LPCAT2: variants seen among roughly 807,000 people sequenced by gnomAD.
LPCAT2 encodes the protein lysophosphatidylcholine acyltransferase 2, also known as 1-AGP acyltransferase 11.
Under a neutral mutation model 64.7 loss-of-function variants are expected in LPCAT2, and 58 were observed. The ratio of observed to expected loss-of-function variants is 0.90; its 90% confidence interval spans 0.73 to 1.12. LPCAT2 has a LOEUF of 1.12. Ranked by LOEUF, LPCAT2 falls within the 50% of genes most tolerant of loss-of-function variation. LPCAT2 has a pLI of 0.00. For missense variants in LPCAT2, 579 were observed against 669.8 expected (o/e 0.86, Z 1.50); for synonymous variants, 252 against 245.3 (o/e 1.03, Z -0.26).
chr16:55,525,436 A>G, intron 1 of LPCAT2, 72 bp from the exon 2 acceptor site: 1 of 1,392,974 alleles, frequency 7.2e-7, no homozygotes, highest in Non-Finnish European at 9.9e-7. Context: ...CTTTCCTATT[A>G]CATGTTTCTG....
chr16:55,529,889 G>GTATCAGT lies in LPCAT2; in HGVS notation c.584_585insTATCAGT (p.Lys196IlefsTer8). On this transcript the variant is annotated frameshift_variant, in exon 4 of 14. Coordinates refer to ENST00000262134, the MANE Select transcript of LPCAT2 (RefSeq NM_017839.5). LOFTEE classifies it high-confidence loss of function. ...GTGTCCCGTGTAGATCCGGATTCCC[G>GTATCAGT]AAAAAACACAATAAATGAAATAATA... 6.3e-7 allele frequency: 1 copy of GTATCAGT among 1,583,142 alleles called. No homozygotes were observed. Among genetic ancestry groups the GTATCAGT allele is most frequent in the Admixed American group, 1.8e-5 (1 of 56,620 alleles).
At chr16:55,522,162 G>A (rs1322588121) in intron 1 of LPCAT2, among the ~76,000 whole-genome samples, 1 of 151,628 alleles carries the variant, frequency 6.6e-6, no homozygotes, top group African/African-American at 2.4e-5. Context: ...TAGGATAAAA[G>A]ATCAAAACTT....
chr16:55,557,041 G>C (rs1280431346), intron 11 of LPCAT2: 1 of 152,106 alleles, frequency 6.6e-6, no homozygotes, highest in Non-Finnish European at 1.5e-5. Context: ...TATAATTGTG[G>C]GGCTTTTTTT....
rs151001955 is a variant in LPCAT2, at chr16:55,525,558, G to A, written c.222G>A (p.Ala74=). 1.9e-5 allele frequency: 30 copies of A among 1,610,974 alleles called. No individual in the cohort carries two copies. The highest frequency in any genetic ancestry group is 1.7e-4 in the Middle Eastern group (1 of 6,050). Residue 74 remains alanine, a synonymous_variant, in exon 2 of 14, where the codon GCG becomes GCA. Coordinates refer to ENST00000262134, the MANE Select transcript of LPCAT2 (RefSeq NM_017839.5). ...ILLPIRVLLV[A]LILLLAWPFA... ...TTCCAATTCGTGTCTTATTGGTTGC[G>A]TTAATTTTATTACTTGCATGGCCAT... is the stretch of plus-strand genomic sequence containing the variant.
chr16:55,532,887 G>A lies in LPCAT2; in HGVS notation c.762+5G>A, dbSNP rs750862663. 2.2e-5 allele frequency: 35 copies of A among 1,610,300 alleles called. No individual in the cohort carries two copies. Among genetic ancestry groups the A allele is most frequent in the Non-Finnish European group, 2.7e-5 (32 of 1,177,280 alleles). ...CTCAGATACCCAAACAAGCTGGTAA[G>A]CACAGTATTTTACCACAGGAAGAAT... On this transcript the variant is annotated splice_donor_5th_base_variant and intron_variant, in intron 6 of 13. Transcript: ENST00000262134.
rs186934997 is a variant in LPCAT2, at chr16:55,559,507, G to T, written c.1215+8405G>T. 1.8e-4 allele frequency among the ~76,000 whole-genome samples: 28 copies of T among 152,120 alleles called. No individual in the cohort carries two copies. In the East Asian group the frequency reaches 5.4e-3, roughly 29 times the overall value. ...AGTGCCAATAATAACAAACATCCTT[G>T]CCTGCCCCTTCCTGTTACAGAATGT... is the stretch of plus-strand genomic sequence containing the variant. On this transcript the variant is annotated intron_variant, in intron 11 of 13. Transcript: ENST00000262134.
At chr16:55,548,181 T>A (rs1370396726) in intron 9 of LPCAT2, among the ~76,000 whole-genome samples, 1 of 152,254 alleles carries the variant, frequency 6.6e-6, no homozygotes, top group Non-Finnish European at 1.5e-5. Context: ...ACTGAATATT[T>A]GTGAATAAAA....
chr16:55,560,564 T>C (rs76228707), intron 11 of LPCAT2, among the ~76,000 whole-genome samples: 2,392 of 152,116 alleles, frequency 0.016, 57 homozygotes, highest in African/African-American at 0.051. Context: ...TAAAAAGGTA[T>C]AGGCACCAGA....
At position 55,585,679 on chromosome 16, in the gene LPCAT2, AT is replaced by A. The variant is rs1963937130; in HGVS notation, c.*2585del. 6.6e-6 allele frequency: 1 copy of A among 152,206 alleles called. No homozygotes were observed. Among genetic ancestry groups the A allele is most frequent in the African/African-American group, 2.4e-5 (1 of 41,460 alleles). 9.4% of individuals were successfully genotyped at this position (152,206 alleles called of 1,614,324 possible). A position where few individuals can be genotyped will look rare whatever the true frequency, so the allele number is the denominator to read the frequency against. On this transcript the variant is annotated 3_prime_UTR_variant, in exon 14 of 14. Coordinates refer to ENST00000262134, the MANE Select transcript of LPCAT2 (RefSeq NM_017839.5). ...ACTGCTTACAGACCAAGTTGCTTGC[AT>A]TTTGTATGTTTAGCCCTCCTTTGCC...
intron 2 of LPCAT2, among the ~76,000 whole-genome samples, chr16:55,527,345 T>C (rs1423060684): frequency 6.6e-6 from 1 of 151,608 alleles, no homozygotes; most frequent in East Asian, 1.9e-4. Flanking sequence ...TTAGGCCTGG[T>C]GGTGGGCGCC....
rs1963926513 is a variant in LPCAT2, at chr16:55,584,803, A to C, written c.*1705A>C. Reference sequence around the variant, plus strand: ...TGTGTGTTTGGATAAATATCTGAAAATTTTATCCTTAAGTATATATAATTA... The same window carrying C: ...TGTGTGTTTGGATAAATATCTGAAACTTTTATCCTTAAGTATATATAATTA... On this transcript the variant is annotated 3_prime_UTR_variant, in exon 14 of 14. Coordinates refer to ENST00000262134, the MANE Select transcript of LPCAT2 (RefSeq NM_017839.5). 6.6e-6 allele frequency: 1 copy of C among 152,172 alleles called. No homozygotes were observed. The highest frequency in any genetic ancestry group is 6.5e-5 in the Admixed American group (1 of 15,276). The allele number at this position is 152,172 out of a possible 1,614,324, so 9.4% of individuals were successfully genotyped here.
intron 1 of LPCAT2, among the ~76,000 whole-genome samples, chr16:55,521,830 G>A (rs1029358557): frequency 1.3e-5 from 2 of 151,484 alleles, no homozygotes; most frequent in African/African-American, 4.8e-5. Flanking sequence ...TAGTAAAATA[G>A]GGATAAAGAG....
rs1963928613 is a variant in LPCAT2 at position 55,584,960 on chromosome 16, A to G, written c.*1862A>G. Reference sequence around the variant, plus strand: ...TGAATGTATGTAATACTAAAAAATCATGACTACTTTTATCAAAGAAAAACC... The same window carrying G: ...TGAATGTATGTAATACTAAAAAATCGTGACTACTTTTATCAAAGAAAAACC... On this transcript the variant is annotated 3_prime_UTR_variant, in exon 14 of 14. Transcript: ENST00000262134. The G allele has an allele frequency of 6.6e-6, 1 of 152,238 alleles. No homozygotes were observed. Among genetic ancestry groups the G allele is most frequent in the African/African-American group, 2.4e-5 (1 of 41,480 alleles). The allele number at this position is 152,238 out of a possible 1,614,324, so 9.4% of individuals were successfully genotyped here.
chr16:55,537,200 G>T (rs935080193), intron 7 of LPCAT2, among the ~76,000 whole-genome samples: 1 of 152,080 alleles, frequency 6.6e-6, no homozygotes, highest in Admixed American at 6.6e-5. Flanking sequence ...GTATTCATTT[G>T]ATGATTTAAC....
At chr16:55,516,272 T>G (rs1295722899) in intron 1 of LPCAT2, among the ~76,000 whole-genome samples, 2 of 126,498 alleles carry the variant, frequency 1.6e-5, no homozygotes, top group Non-Finnish European at 3.9e-5. Context: ...ACCCAACAAA[T>G]TTTTGTATTT....
chr16:55,579,056 T>G (rs1326046384), intron 12 of LPCAT2, 53 bp from the exon 13 acceptor site: 22 of 1,555,050 alleles, frequency 1.4e-5, no homozygotes, highest in Non-Finnish European at 1.9e-5. Context: ...CCAAGATTAT[T>G]CCCTACCACT....
At chr16:55,566,402 C>T (rs1460371051) in intron 11 of LPCAT2, among the ~76,000 whole-genome samples, 1 of 152,076 alleles carries the variant, frequency 6.6e-6, no homozygotes, top group Non-Finnish European at 1.5e-5. Flanking sequence ...GGAAAATGCA[C>T]ATCATTTTTT....
chr16:55,524,732 A>G (rs1414267803), intron 1 of LPCAT2, among the ~76,000 whole-genome samples: 2 of 152,056 alleles, frequency 1.3e-5, no homozygotes, highest in Non-Finnish European at 2.9e-5. Flanking sequence ...TATTTTACTC[A>G]AAAGGCAGTA....
rs1962886533 is a variant in LPCAT2, at chr16:55,509,262, C to A, written c.81C>A (p.Pro27=). 1 of 1,506,180 alleles carries A rather than the reference C, an allele frequency of 6.6e-7. No individual in the cohort carries two copies. The highest frequency in any genetic ancestry group is 8.9e-7 in the Non-Finnish European group (1 of 1,120,912). The allele number at this position is 1,506,180 out of a possible 1,614,324, so 93.3% of individuals were successfully genotyped here. A position where few individuals can be genotyped will look rare whatever the true frequency, so the allele number is the denominator to read the frequency against. Residue 27 remains proline (P), a synonymous_variant, in exon 1 of 14, where the codon CCC becomes CCA. Transcript: ENST00000262134. The stretch of plus-strand genomic sequence containing the variant: ...TCGGGAACGTGGGGCTGCGGCCGCC[C>A]ATGGTGCCCCGTCAGGCGTCCTTCT... The part of the protein sequence containing the change: ...AGVGNVGLRP[P]MVPRQASFFP...
Sources: allele counts gnomAD v4.1 joint callset (sites outside exome capture counted in the v4.1 genomes callset), GRCh38; gene constraint gnomAD v4.1.1; transcripts MANE v1.5; gene names NCBI Gene and HGNC (gene_info 2026-07-23, HGNC 2026-07-21).